Variants in CPNE4 observed in about 807,000 individuals in gnomAD.
The protein encoded by CPNE4 is copine-4.
In CPNE4, 25 loss-of-function variants were observed where a neutral mutation model predicts 67.9. The observed-to-expected ratio is 0.37, with a 90% CI of 0.27 to 0.51. CPNE4 has a LOEUF of 0.51. Ranked by LOEUF, CPNE4 falls within the 20% of genes least tolerant of loss-of-function variation. The probability of loss-of-function intolerance (pLI) is 0.93; values close to 1 mark genes in which losing one functional copy is unlikely to be tolerated. For missense variants in CPNE4, 464 were observed against 690.8 expected, an observed-to-expected ratio of 0.67 and a Z score of 3.68; for synonymous variants, 242 against 244.9, an observed-to-expected ratio of 0.99 and a Z score of 0.11.
intron 15 of CPNE4, among the ~76,000 whole-genome samples, chr3:131,537,982 A>T (rs1324027717): frequency 6.6e-6 from 1 of 152,208 alleles, no homozygotes; most frequent in Non-Finnish European, 1.5e-5. Flanking sequence ...GTTTAGCAGC[A>T]TCCTTGGCCT....
chr3:131,644,991 A>G (rs774018972), intron 7 of CPNE4, among the ~76,000 whole-genome samples: 8 of 152,224 alleles, frequency 5.3e-5, no homozygotes, highest in African/African-American at 9.6e-5. Context: ...GCTTCTGATG[A>G]ACTGGAACTA....
chr3:131,576,977 A>G (rs577523614), intron 9 of CPNE4, among the ~76,000 whole-genome samples: 19 of 152,192 alleles, frequency 1.2e-4, no homozygotes, highest in African/African-American at 4.6e-4. Flanking sequence ...GGCATGCTAA[A>G]AGGCAGGTTG....
intron 7 of CPNE4, among the ~76,000 whole-genome samples, chr3:131,658,439 A>G (rs1386500809): frequency 6.6e-6 from 1 of 152,234 alleles, no homozygotes; most frequent in Non-Finnish European, 1.5e-5. Flanking sequence ...GGAAGTGTCC[A>G]AAAGTATTTA....
intron 1 of CPNE4, among the ~76,000 whole-genome samples, chr3:131,952,206 T>G (rs2071757056): frequency 7.0e-6 from 1 of 142,388 alleles, no homozygotes; most frequent in Non-Finnish European, 1.5e-5. Context: ...GGAGCGCCTC[T>G]GCCCCGCCGC....
Position 131,723,532 on chromosome 3 carries a change from G to T in CPNE4, c.274C>A (p.Arg92=), listed in dbSNP as rs1355312776. 1 of 1,613,948 alleles carries T rather than the reference G, an allele frequency of 6.2e-7. No individual in the cohort carries two copies. The highest frequency in any genetic ancestry group is 8.5e-7 in the Non-Finnish European group (1 of 1,179,956). The change falls in exon 3 of 16, where the codon CGG becomes AGG. Residue 92 remains arginine, a synonymous_variant. Transcript: ENST00000429747. ...DFYFEEVQRL[R]FEVHDISSNH... is the part of the protein sequence containing the mutation. The stretch of plus-strand genomic sequence containing the variant: ...CTGCTGATGTCATGGACTTCAAACC[G>T]CAGGCGCTGCACCTCCTCAAAGTAA...
At chr3:131,759,758 A>G (rs1160163787) in intron 2 of CPNE4, among the ~76,000 whole-genome samples, 2 of 152,352 alleles carry the variant, frequency 1.3e-5, no homozygotes, top group East Asian at 3.9e-4. Context: ...GGTTCTTTAA[A>G]ACCTATCTGC....
chr3:131,839,380 T>C (rs942807040), intron 2 of CPNE4, among the ~76,000 whole-genome samples: 2 of 151,584 alleles, frequency 1.3e-5, no homozygotes, highest in African/African-American at 4.8e-5. Context: ...TATAATATAA[T>C]GTAAAATTAA....
At chr3:131,967,815 C>T (rs1583531431) in intron 1 of CPNE4, among the ~76,000 whole-genome samples, 1 of 152,200 alleles carries the variant, frequency 6.6e-6, no homozygotes, top group South Asian at 2.1e-4. Context: ...CTGTTTCCAT[C>T]AAGCTACCTT....
intron 2 of CPNE4, among the ~76,000 whole-genome samples, chr3:131,880,597 C>T (rs1017965996): frequency 3.3e-5 from 5 of 152,110 alleles, no homozygotes; most frequent in African/African-American, 7.2e-5. Context: ...AAAACTCATG[C>T]CCTGTCTGAG....
rs566046297 is a variant in CPNE4 at position 131,860,685 on chromosome 3, G to GT, written c.180+44578dup. ...AATTAATCAAACTCAAAGAGTCTTG[G>GT]TTTTTTTATCTGGAAATAGGGGTTA... is the stretch of plus-strand genomic sequence containing the variant. On this transcript the variant is annotated intron_variant, in intron 2 of 15. Coordinates refer to ENST00000429747, the MANE Select transcript of CPNE4 (RefSeq NM_130808.3). 5.1e-4 allele frequency among the ~76,000 whole-genome samples: 78 copies of GT among 151,644 alleles called. 1 individual carries two copies. The East Asian group carries it at 8.5e-3, about 17-fold the overall frequency.
At chr3:131,999,241 T>TA (rs79127364) in intron 1 of CPNE4, among the ~76,000 whole-genome samples, 2,194 of 98,734 alleles carry the variant, frequency 0.022, 114 homozygotes, top group Middle Eastern at 0.06. Context: ...TTATCCAAGG[T>TA]AAAAAAAAAA....
intron 6 of CPNE4, among the ~76,000 whole-genome samples, chr3:131,675,846 T>C (rs2080547125): frequency 6.6e-6 from 1 of 151,802 alleles, no homozygotes; most frequent in Non-Finnish European, 1.5e-5. Context: ...ATTAGGGTTT[T>C]TGTTTTCTGG....
intron 11 of CPNE4, among the ~76,000 whole-genome samples, chr3:131,559,083 A>G (rs753968780): frequency 2.6e-5 from 4 of 152,008 alleles, no homozygotes; most frequent in Non-Finnish European, 4.4e-5. Flanking sequence ...AATTCTAAAC[A>G]TGAATGATTC....
intron 2 of CPNE4, among the ~76,000 whole-genome samples, chr3:131,874,112 G>A (rs1201774139): frequency 6.8e-6 from 1 of 148,080 alleles, no homozygotes; most frequent in Non-Finnish European, 1.5e-5. Context: ...TTTTTGAGAC[G>A]GAATTTCGCT....
At chr3:131,542,512 G>T in intron 15 of CPNE4, 45 bp downstream of exon 15, 4 of 1,320,450 alleles carry the variant, frequency 3.0e-6, no homozygotes, top group Non-Finnish European at 3.3e-6. Context: ...AGCATGCTTT[G>T]GTTCTGCTCT....
intron 1 of CPNE4, among the ~76,000 whole-genome samples, chr3:131,930,219 T>C (rs2071017685): frequency 6.6e-6 from 1 of 151,980 alleles, no homozygotes; most frequent in South Asian, 2.1e-4. Context: ...ACACCGAAAT[T>C]AGGATGAGTG....
At chr3:131,618,801 G>A (rs989738171) in intron 7 of CPNE4, among the ~76,000 whole-genome samples, 1 of 152,098 alleles carries the variant, frequency 6.6e-6, no homozygotes, top group Non-Finnish European at 1.5e-5. Context: ...CATTCCCAAG[G>A]AGAGAGACAG....
intron 2 of CPNE4, among the ~76,000 whole-genome samples, chr3:131,864,620 G>T (rs1173222440): frequency 6.8e-6 from 1 of 146,486 alleles, no homozygotes; most frequent in Non-Finnish European, 1.5e-5. Context: ...AGATGATGGG[G>T]TTTTCTAGAT....
At chr3:131,789,232 A>G (rs1020237769) in intron 2 of CPNE4, among the ~76,000 whole-genome samples, 1 of 152,118 alleles carries the variant, frequency 6.6e-6, no homozygotes, top group Non-Finnish European at 1.5e-5. Flanking sequence ...GAGTATAGTA[A>G]ATATGGAACT....
Sources: gnomAD v4.1 joint callset for allele counts (sites outside exome capture counted in the v4.1 genomes callset) on GRCh38, gnomAD v4.1.1 for gene constraint, MANE v1.5 for transcripts, NCBI Gene and HGNC (gene_info 2026-07-23, HGNC 2026-07-21) for gene names.